Variants in GRID2 observed in about 807,000 individuals in gnomAD.
The protein encoded by GRID2 is glutamate receptor ionotropic, delta-2.
A neutral mutation model predicts 114.8 loss-of-function variants in GRID2; 33 were observed. That is an observed-to-expected ratio of 0.29 (90% CI 0.22 to 0.38). The LOEUF (loss-of-function observed/expected upper bound fraction) is 0.38, where lower values mean the gene tolerates loss of function less well. Among genes scored for constraint, GRID2 ranks in the 10% least tolerant of loss-of-function variants. The pLI, the probability that GRID2 is intolerant of heterozygous loss-of-function variation, is 1.00. For missense variants in GRID2, 1,184 were observed against 1,257.7 expected, an observed-to-expected ratio of 0.94 and a Z score of 0.89; for synonymous variants, 505 against 449.9, an observed-to-expected ratio of 1.12 and a Z score of -1.55.
Position 93,102,147 on chromosome 4 carries a change from T to C in GRID2, c.530-8601T>C, listed in dbSNP as rs1731762488. 2.0e-5 allele frequency among the ~76,000 whole-genome samples: 3 copies of C among 152,316 alleles called. No homozygotes were observed. In the South Asian group the frequency reaches 6.2e-4, roughly 32 times the overall value. On this transcript the variant is annotated intron_variant, in intron 3 of 15. Coordinates refer to ENST00000282020, the MANE Select transcript of GRID2 (RefSeq NM_001510.4). Reference sequence around the variant, plus strand: ...AATTGACTCATGTAGTTTGAAAGTCTAGGGAACAGCTGCCTTGCCTCTGTT... The same window carrying C: ...AATTGACTCATGTAGTTTGAAAGTCCAGGGAACAGCTGCCTTGCCTCTGTT...
At chr4:92,990,281 G>GTATATATATATATA (rs1424772351) in intron 2 of GRID2, among the ~76,000 whole-genome samples, 2 of 50,102 alleles carry the variant, frequency 4.0e-5, no homozygotes, top group African/African-American at 1.2e-4. Context: ...ACGTAGATAT[G>GTATATATATATATA]TGTGTGTATA....
intron 2 of GRID2, among the ~76,000 whole-genome samples, chr4:92,825,482 C>T (rs1741631795): frequency 1.3e-5 from 2 of 152,120 alleles, no homozygotes; most frequent in South Asian, 4.1e-4. Context: ...CTTAACATGG[C>T]CAAATGCCAT....
At chr4:92,689,941 C>CT (rs1213215931) in intron 2 of GRID2, among the ~76,000 whole-genome samples, 1 of 152,142 alleles carries the variant, frequency 6.6e-6, no homozygotes, top group African/African-American at 2.4e-5. Context: ...TAGGCTTTGG[C>CT]TTAAGGGACT....
At chr4:92,632,257 G>T (rs916468633) in intron 2 of GRID2, among the ~76,000 whole-genome samples, 1 of 152,042 alleles carries the variant, frequency 6.6e-6, no homozygotes, top group South Asian at 2.1e-4. Context: ...TTCTTTAAAA[G>T]GGCATCAGTT....
At chr4:93,428,550 G>A (rs2149376551) in intron 10 of GRID2, among the ~76,000 whole-genome samples, 1 of 152,168 alleles carries the variant, frequency 6.6e-6, no homozygotes, top group African/African-American at 2.4e-5. Context: ...ATTTTAATTT[G>A]TATGCATATT....
intron 14 of GRID2, among the ~76,000 whole-genome samples, chr4:93,626,678 T>G (rs1044454510): frequency 6.6e-6 from 1 of 152,226 alleles, no homozygotes; most frequent in Non-Finnish European, 1.5e-5. Flanking sequence ...GGTTTTACTC[T>G]CAAAAAATTG....
At chr4:93,539,886 C>A (rs1462333454) in intron 13 of GRID2, among the ~76,000 whole-genome samples, 1 of 151,794 alleles carries the variant, frequency 6.6e-6, no homozygotes, top group African/African-American at 2.4e-5. Flanking sequence ...ACTGATATGT[C>A]CATTTCTATC....
At chr4:93,059,342 A>T (rs1322333775) in intron 2 of GRID2, among the ~76,000 whole-genome samples, 1 of 152,088 alleles carries the variant, frequency 6.6e-6, no homozygotes, top group Non-Finnish European at 1.5e-5. Flanking sequence ...ACAAAGGGAG[A>T]GTTCCTAAAT....
chr4:93,487,007 T>A (rs975216374), intron 11 of GRID2, among the ~76,000 whole-genome samples: 2 of 151,816 alleles, frequency 1.3e-5, no homozygotes, highest in Non-Finnish European at 2.9e-5. Context: ...AAATCTTTGA[T>A]AGTTACAAAA....
chr4:92,900,766 G>A (rs1003715109), intron 2 of GRID2, among the ~76,000 whole-genome samples: 6 of 151,270 alleles, frequency 4.0e-5, no homozygotes, highest in East Asian at 1.9e-4. Flanking sequence ...CCTGGGAGGC[G>A]GAGCTTGCAG....
chr4:93,105,465 A>C (rs1265753751), intron 3 of GRID2, among the ~76,000 whole-genome samples: 1 of 152,240 alleles, frequency 6.6e-6, no homozygotes. Context: ...TCTTTAATCC[A>C]TCTTGAATTA....
At chr4:92,985,462 C>T (rs1330879053) in intron 2 of GRID2, among the ~76,000 whole-genome samples, 2 of 152,074 alleles carry the variant, frequency 1.3e-5, no homozygotes, top group African/African-American at 4.8e-5. Flanking sequence ...TGGTCTCGAT[C>T]TCCTGACGTC....
rs369789198 is a variant in GRID2, at chr4:92,693,200, T to C, written c.244+102914T>C. On this transcript the variant is annotated intron_variant, in intron 2 of 15. Transcript: ENST00000282020. ...CAAAATGGAAACAACGTTCTAGTAA[T>C]CTCAAATGTGAATGTAGAGAATTTC... Among the ~76,000 whole-genome samples the C allele has an allele frequency of 1.7e-3, 258 of 152,210 alleles. 2 individuals carry two copies. The highest frequency in any genetic ancestry group is 5.7e-3 in the African/African-American group (239 of 41,576).
chr4:93,128,787 T>A (rs1734533999), intron 4 of GRID2, among the ~76,000 whole-genome samples: 1 of 152,214 alleles, frequency 6.6e-6, no homozygotes, highest in African/African-American at 2.4e-5. Flanking sequence ...ATGGTGATCC[T>A]GACCTGAGCT....
At chr4:92,698,448 C>T (rs1305010699) in intron 2 of GRID2, among the ~76,000 whole-genome samples, 1 of 151,626 alleles carries the variant, frequency 6.6e-6, no homozygotes, top group Non-Finnish European at 1.5e-5. Context: ...ATTAATAACC[C>T]ACTAGAAAAT....
intron 14 of GRID2, among the ~76,000 whole-genome samples, chr4:93,638,076 G>T (rs977669491): frequency 2.0e-5 from 3 of 151,962 alleles, no homozygotes; most frequent in African/African-American, 4.8e-5. Context: ...AAGCTCTAAC[G>T]ATTTCTGTCT....
At chr4:93,587,253 A>AT (rs1737638062) in intron 13 of GRID2, among the ~76,000 whole-genome samples, 2 of 152,266 alleles carry the variant, frequency 1.3e-5, no homozygotes, top group African/African-American at 4.8e-5. Context: ...AAGGAAACCA[A>AT]TTTTATTAAA....
intron 2 of GRID2, among the ~76,000 whole-genome samples, chr4:92,776,737 G>T (rs1235214942): frequency 6.6e-6 from 1 of 151,916 alleles, no homozygotes; most frequent in Non-Finnish European, 1.5e-5. Flanking sequence ...ATGAAGGTCT[G>T]CTATTTTCAT....
chr4:92,765,822 A>G (rs937676145), intron 2 of GRID2, among the ~76,000 whole-genome samples: 1 of 152,114 alleles, frequency 6.6e-6, no homozygotes, highest in Non-Finnish European at 1.5e-5. Flanking sequence ...TGCTGGTATC[A>G]CTTGTAGTGG....
Sources: gnomAD v4.1 joint callset for allele counts (sites outside exome capture counted in the v4.1 genomes callset) on GRCh38, gnomAD v4.1.1 for gene constraint, MANE v1.5 for transcripts, NCBI Gene and HGNC (gene_info 2026-07-23, HGNC 2026-07-21) for gene names.